The following POLR1E variants were observed in gnomAD, a reference collection of about 807,000 sequenced individuals.
POLR1E encodes DNA-directed RNA polymerase I subunit RPA49.
In POLR1E, 37 loss-of-function variants were observed where a neutral mutation model predicts 50.9. The observed-to-expected ratio is 0.73, with a 90% CI of 0.56 to 0.96. The LOEUF is 0.96. Ranked by LOEUF, POLR1E falls within the 40% of genes least tolerant of loss-of-function variation. POLR1E has a pLI of 0.00. For missense variants in POLR1E, 426 were observed against 518.1 expected (o/e 0.82, Z 1.73); for synonymous variants, 166 against 191.6 (o/e 0.87, Z 1.10).
At chr9:37,500,636 G>C (rs893966032) in intron 9 of POLR1E, among the ~76,000 whole-genome samples, 4 of 152,120 alleles carry the variant, frequency 2.6e-5, no homozygotes, top group Non-Finnish European at 4.4e-5. Flanking sequence ...AGCATCTCTC[G>C]TGCAGGGCAA....
At position 37,486,099 on chromosome 9, in the gene POLR1E, G is replaced by A. The variant is rs1400429958; in HGVS notation, c.52G>A (p.Asp18Asn). 3.1e-6 allele frequency: 5 copies of A among 1,601,458 alleles called. No individual in the cohort carries two copies. Among genetic ancestry groups the A allele is most frequent in the South Asian group, 2.3e-5 (2 of 88,360 alleles). The change falls in exon 1 of 12, where the codon GAC (aspartate) becomes AAC (asparagine). Residue 18 changes from aspartate to asparagine, a missense_variant. Physicochemically the swap from Asp to Asn is conservative, Grantham distance 23. Transcript: ENST00000377798. ...SARWQYCGAP[D>N]GSQRAVLVQF... is the part of the protein sequence containing the mutation. ...GAGGTGGCAGTATTGTGGGGCGCCCGACGGGAGCCAGAGAGCTGTACTGGG... is the reference window on the plus strand; with the variant it reads ...GAGGTGGCAGTATTGTGGGGCGCCCAACGGGAGCCAGAGAGCTGTACTGGG...
chr9:37,494,551 C>T lies in POLR1E; in HGVS notation c.548-618C>T, dbSNP rs541852474. Among the ~76,000 whole-genome samples, 128 of 152,318 alleles carry T rather than the reference C, an allele frequency of 8.4e-4. 1 individual carries two copies. The highest frequency in any genetic ancestry group is 6.8e-3 in the Middle Eastern group (2 of 294). On this transcript the variant is annotated intron_variant, in intron 6 of 11. Coordinates refer to ENST00000377798, the MANE Select transcript of POLR1E (RefSeq NM_022490.4). The stretch of plus-strand genomic sequence containing the variant: ...CTCCTGGGCTCAAGTGATCCTCCTA[C>T]TTCAGCCTCCCAAGTGGCTGGGATC...
chr9:37,500,155 TTTTTGTTTTGTTTTG>T (rs139118594), intron 9 of POLR1E, among the ~76,000 whole-genome samples: 31,939 of 146,018 alleles, frequency 0.22, 3,646 homozygotes, highest in East Asian at 0.27. Context: ...AGCCAGTTGT[TTTTTGTTTTGTTTTG>T]TTTTGTTTTG....
chr9:37,495,645 G>T (rs1051275086), intron 7 of POLR1E, among the ~76,000 whole-genome samples: 11 of 152,316 alleles, frequency 7.2e-5, no homozygotes, highest in African/African-American at 2.4e-4. Context: ...AAGGGGTCCG[G>T]TCAGAAGGAA....
chr9:37,487,816 C>G (rs749401339), intron 2 of POLR1E, 47 bp from the exon 3 acceptor site: 5 of 1,544,650 alleles, frequency 3.2e-6, no homozygotes, highest in African/African-American at 1.4e-5. Context: ...ATGCTTAATA[C>G]CTTTCAACAT....
chr9:37,498,148 A>G lies in POLR1E; in HGVS notation c.810A>G (p.Arg270=). The G allele has an allele frequency of 1.9e-6, 3 of 1,614,108 alleles. No homozygotes were observed. Among genetic ancestry groups the G allele is most frequent in the Non-Finnish European group, 2.5e-6 (3 of 1,179,964 alleles). Reference sequence around the variant, plus strand: ...CTTTGCCATCAGATGTGGAGAGCCGAGACCGCCAGGCCCGATGCATATGGT... The same window carrying G: ...CTTTGCCATCAGATGTGGAGAGCCGGGACCGCCAGGCCCGATGCATATGGT... ...LKSLPSDVES[R]DRQARCIWFL... Residue 270 remains arginine, a synonymous_variant, in exon 9 of 12, where the codon CGA becomes CGG. Coordinates refer to ENST00000377798, the MANE Select transcript of POLR1E (RefSeq NM_022490.4).
At position 37,498,140 on chromosome 9, in the gene POLR1E, G is replaced by A. The variant is rs770292852; in HGVS notation, c.802G>A (p.Glu268Lys). 6.2e-7 allele frequency: 1 copy of A among 1,614,082 alleles called. No individual in the cohort carries two copies. The highest frequency in any genetic ancestry group is 1.3e-5 in the African/African-American group (1 of 75,022). Residue 268 changes from glutamate (E) to lysine (K), a missense_variant, in exon 9 of 12, where the codon GAG (glutamate) becomes AAG (lysine). Coordinates refer to ENST00000377798, the MANE Select transcript of POLR1E (RefSeq NM_022490.4). ...EALKSLPSDV[E>K]SRDRQARCIW... ...GTTGAAGTCTTTGCCATCAGATGTG[G>A]AGAGCCGAGACCGCCAGGCCCGATG...
At chr9:37,493,946 G>C (rs558338151) in intron 6 of POLR1E, among the ~76,000 whole-genome samples, 98 of 152,294 alleles carry the variant, frequency 6.4e-4, no homozygotes, top group African/African-American at 2.3e-3. Context: ...TGCCTGCCGT[G>C]CTTATGGTGC....
chr9:37,492,288 C>A, intron 4 of POLR1E: 2 of 1,293,276 alleles, frequency 1.5e-6, no homozygotes, highest in Non-Finnish European at 2.0e-6. Flanking sequence ...TTAGGTCTTT[C>A]ACCAAGAAAG....
At chr9:37,501,514 A>G (rs1169539768) in intron 10 of POLR1E, among the ~76,000 whole-genome samples, 199 bp from the exon 11 acceptor site, 2 of 152,252 alleles carry the variant, frequency 1.3e-5, no homozygotes, top group African/African-American at 4.8e-5. Flanking sequence ...AGAGGGAAAC[A>G]TGGACTGGCA....
rs568811151 is a variant in POLR1E at position 37,486,491 on chromosome 9, T to A, written c.77-212T>A. ...TCCTTCCGCGAGACATTCCCTCCTG[T>A]CACAGCCCCTCCCCAGGGTTCTCCC... On this transcript the variant is annotated intron_variant, in intron 1 of 11. Coordinates refer to ENST00000377798, the MANE Select transcript of POLR1E (RefSeq NM_022490.4). 129 of 1,552,824 alleles carry A rather than the reference T, an allele frequency of 8.3e-5. 2 individuals are homozygous for A. The South Asian group carries it at 1.2e-3, about 15-fold the overall frequency.
At chr9:37,500,189 TGTTTTG>T (rs1820858148) in intron 9 of POLR1E, among the ~76,000 whole-genome samples, 1 of 131,158 alleles carries the variant, frequency 7.6e-6, no homozygotes, top group East Asian at 2.3e-4. Context: ...TGTTTTGTTT[TGTTTTG>T]TTTTTTTGAG....
intron 8 of POLR1E, among the ~76,000 whole-genome samples, chr9:37,496,246 T>A (rs1400818567): frequency 6.6e-6 from 1 of 152,152 alleles, no homozygotes; most frequent in African/African-American, 2.4e-5. Flanking sequence ...GGCTGGGAAC[T>A]AGAGCTGGCC....
In POLR1E at chr9:37,489,390, A is replaced by C. The variant is rs768478164; in HGVS notation, c.333A>C (p.Pro111=). ...ATGCTGAATTGTTCAACATGCAGCCACTATTTTCAGGTAGGTCCCAGTCAT... is the reference window on the plus strand; with the variant it reads ...ATGCTGAATTGTTCAACATGCAGCCCCTATTTTCAGGTAGGTCCCAGTCAT... ...VYDAELFNMQ[P]LFSDVSVESE... is the part of the protein sequence containing the mutation. The change falls in exon 4 of 12, where the codon CCA becomes CCC. Residue 111 remains proline, a synonymous_variant. Transcript: ENST00000377798. 7 of 1,592,988 alleles carry C rather than the reference A, an allele frequency of 4.4e-6. No homozygotes were observed. Among genetic ancestry groups the C allele is most frequent in the Non-Finnish European group, 6.0e-6 (7 of 1,173,908 alleles).
rs753943537 is a variant in POLR1E, at chr9:37,486,401, C to T, written c.76+278C>T. 14 of 1,513,886 alleles carry T rather than the reference C, an allele frequency of 9.2e-6. No homozygotes were observed. The East Asian group carries it at 1.2e-4, about 13-fold the overall frequency. The allele number at this position is 1,513,886 out of a possible 1,614,324, so 93.8% of individuals were successfully genotyped here. The stretch of plus-strand genomic sequence containing the variant: ...CAGGTCTCCCGCCTCCCCCATTTCC[C>T]TCTCTTCACTGGGCAGGGGTTCCTT... On this transcript the variant is annotated intron_variant, in intron 1 of 11. Transcript: ENST00000377798.
chr9:37,500,774 G>A, intron 9 of POLR1E, 66 bp from the exon 10 acceptor site: 2 of 1,343,050 alleles, frequency 1.5e-6, no homozygotes, highest in Non-Finnish European at 2.1e-6. Flanking sequence ...TTTTCTCTTA[G>A]CTCATGGTTG....
chr9:37,500,569 T>G (rs973467034), intron 9 of POLR1E, among the ~76,000 whole-genome samples: 2 of 152,224 alleles, frequency 1.3e-5, no homozygotes, highest in Non-Finnish European at 2.9e-5. Context: ...TCTAAGGTCA[T>G]GTTAACTCTG....
chr9:37,492,660 T>C lies in POLR1E; in HGVS notation c.347T>C (p.Val116Ala), dbSNP rs752905988. 6.2e-6 allele frequency: 10 copies of C among 1,613,854 alleles called. No individual in the cohort carries two copies. Among genetic ancestry groups the C allele is most frequent in the Admixed American group, 5.0e-5 (3 of 60,000 alleles). The change falls in exon 5 of 12, where the codon GTA (valine) becomes GCA (alanine). Residue 116 changes from valine (V) to alanine (A), a missense_variant. Coordinates refer to ENST00000377798, the MANE Select transcript of POLR1E (RefSeq NM_022490.4). ...CTGTTTTTGTGTGTTTTGATAGATG[T>C]ATCAGTTGAGAGTGAACTGGCGCTA... ...LFNMQPLFSD[V>A]SVESELALES...
At chr9:37,492,885 T>C (rs1484173921) in intron 5 of POLR1E, among the ~76,000 whole-genome samples, 170 bp downstream of exon 5, 2 of 152,208 alleles carry the variant, frequency 1.3e-5, no homozygotes, top group Admixed American at 1.3e-4. Flanking sequence ...GCCTCCTTGG[T>C]CCCACAGAGA....
Sources: gnomAD v4.1 joint callset for allele counts (sites outside exome capture counted in the v4.1 genomes callset) on GRCh38, gnomAD v4.1.1 for gene constraint, MANE v1.5 for transcripts, NCBI Gene and HGNC (gene_info 2026-07-23, HGNC 2026-07-21) for gene names.